SRPX: variants seen among roughly 807,000 people sequenced by gnomAD.
The protein encoded by SRPX is sushi repeat-containing protein SRPX.
In SRPX, 24 loss-of-function variants were observed where a neutral mutation model predicts 38.1. That is an observed-to-expected ratio of 0.63 (90% CI 0.46 to 0.89). The LOEUF (loss-of-function observed/expected upper bound fraction) is 0.89. SRPX is among the 40% of genes least tolerant of loss of function. The pLI is 0.00. For synonymous variants in SRPX, 184 were observed against 153.8 expected, an observed-to-expected ratio of 1.20 and a Z score of -1.45; for missense variants, 416 against 377.8, an observed-to-expected ratio of 1.10 and a Z score of -0.84.
At chrX:38,178,574 G>A (rs17147147) in intron 1 of SRPX, among the ~76,000 whole-genome samples, 1,907 of 111,606 alleles carry the variant, frequency 0.017, 42 homozygotes, top group African/African-American at 0.059. Flanking sequence ...AACTGTTTTG[G>A]AATCACCATA....
chrX:38,153,313 T>C (rs1470507769), intron 9 of SRPX, among the ~76,000 whole-genome samples: 1 of 98,078 alleles, frequency 1.0e-5, no homozygotes, highest in South Asian at 4.9e-4. Flanking sequence ...TTTTTTTTTT[T>C]TTTTTTTTTT....
At chrX:38,150,043 A>G in intron 9 of SRPX, 149 bp from the exon 10 acceptor site, 3 of 466,063 alleles carry the variant, frequency 6.4e-6, no homozygotes, top group African/African-American at 4.8e-5. Flanking sequence ...GTCTACTCCA[A>G]CTGTGACCCT....
In SRPX at chrX:38,198,258, A is replaced by C. The variant is rs149968176; in HGVS notation, c.98-19914T>G. Among the ~76,000 whole-genome samples the C allele has an allele frequency of 7.9e-3, 887 of 111,755 alleles. 12 individuals carry two copies. The highest frequency in any genetic ancestry group is 0.027 in the African/African-American group (844 of 30,712). The stretch of plus-strand genomic sequence containing the variant: ...TTTCCTTAGCTCTGGAGAGGAGAAA[A>C]GGATCTACGGCTTTCAATCCACTAC... On this transcript the variant is annotated intron_variant, in intron 1 of 9. Transcript: ENST00000378533.
At chrX:38,150,978 T>C (rs1345302163) in intron 9 of SRPX, among the ~76,000 whole-genome samples, 2 of 112,344 alleles carry the variant, frequency 1.8e-5, no homozygotes, top group Non-Finnish European at 1.9e-5. Context: ...TTTGAGATTA[T>C]GTATGAGGCA....
chrX:38,152,993 C>T (rs1166421344), intron 9 of SRPX, among the ~76,000 whole-genome samples: 1 of 112,099 alleles, frequency 8.9e-6, no homozygotes, highest in Non-Finnish European at 1.9e-5. Flanking sequence ...ATACAATATA[C>T]TTTTAAAAGC....
intron 9 of SRPX, among the ~76,000 whole-genome samples, chrX:38,153,758 C>A (rs892930493): frequency 3.6e-5 from 4 of 111,708 alleles, no homozygotes; most frequent in African/African-American, 6.5e-5. Context: ...ATGTTTGTAA[C>A]TGCCTGAGGC....
At chrX:38,183,876 T>C (rs766476752) in intron 1 of SRPX, among the ~76,000 whole-genome samples, 8 of 111,825 alleles carry the variant, frequency 7.2e-5, no homozygotes, top group Non-Finnish European at 1.1e-4. Context: ...CTCTCAGCCA[T>C]ACCTGGAGCC....
At chrX:38,177,426 G>A (rs1334603448) in intron 2 of SRPX, among the ~76,000 whole-genome samples, 1 of 111,115 alleles carries the variant, frequency 9.0e-6, no homozygotes, top group Non-Finnish European at 1.9e-5. Flanking sequence ...GTCAAAAGTT[G>A]TCCAGTCCTA....
chrX:38,170,222 C>T (rs1343842619), intron 4 of SRPX, among the ~76,000 whole-genome samples: 1 of 111,531 alleles, frequency 9.0e-6, no homozygotes, highest in Non-Finnish European at 1.9e-5. Flanking sequence ...AACTTTCTCA[C>T]CACTCAGTAC....
intron 1 of SRPX, among the ~76,000 whole-genome samples, chrX:38,204,513 T>C (rs1014713306): frequency 2.0e-4 from 22 of 112,355 alleles, no homozygotes; most frequent in African/African-American, 7.1e-4. Flanking sequence ...AAAAAGTCGT[T>C]TTTAAAAACC....
At chrX:38,158,432 T>C (rs1282884276) in intron 7 of SRPX, among the ~76,000 whole-genome samples, 2 of 111,872 alleles carry the variant, frequency 1.8e-5, no homozygotes, top group Non-Finnish European at 3.8e-5. Context: ...GTTTTCATAT[T>C]TCACATTTTA....
chrX:38,159,503 G>A lies in SRPX; in HGVS notation c.955+514C>T, dbSNP rs1938197971. ...TGGCATAAGGCTTTGCCTGTACCAG[G>A]CACTGCTCTATTCCACTGTTCCACA... On this transcript the variant is annotated intron_variant, in intron 7 of 9. Coordinates refer to ENST00000378533, the MANE Select transcript of SRPX (RefSeq NM_006307.5). Among the ~76,000 whole-genome samples, 3 of 113,092 alleles carry A rather than the reference G, an allele frequency of 2.7e-5. No individual in the cohort carries two copies. In the South Asian group the frequency reaches 1.1e-3, roughly 41 times the overall value.
chrX:38,198,154 G>A (rs978402451), intron 1 of SRPX, among the ~76,000 whole-genome samples: 6 of 112,082 alleles, frequency 5.4e-5, no homozygotes, highest in Admixed American at 9.4e-5. Flanking sequence ...GAAAGGTGGA[G>A]GACAGGACGA....
chrX:38,159,001 A>G lies in SRPX; in HGVS notation c.955+1016T>C, dbSNP rs748294372. On this transcript the variant is annotated intron_variant, in intron 7 of 9. Coordinates refer to ENST00000378533, the MANE Select transcript of SRPX (RefSeq NM_006307.5). ...TCTCAAACAAACAAACAAACAAACA[A>G]ATAAAAAATATAAAGAGATAGGTAG... Among the ~76,000 whole-genome samples the G allele has an allele frequency of 4.5e-5, 5 of 111,376 alleles. No individual in the cohort carries two copies. The South Asian group carries it at 1.9e-3, about 43-fold the overall frequency.
At chrX:38,161,167 A>C (rs886251755) in intron 5 of SRPX, 113 bp from the exon 6 acceptor site, 1 of 858,466 alleles carries the variant, frequency 1.2e-6, no homozygotes, top group Non-Finnish European at 1.6e-6. Flanking sequence ...CCATTAGACC[A>C]GTTTAAATAA....
At chrX:38,172,795 C>T (rs1938499033) in intron 3 of SRPX, among the ~76,000 whole-genome samples, 2 of 112,812 alleles carry the variant, frequency 1.8e-5, no homozygotes, top group South Asian at 7.3e-4. Context: ...GGCAAGGAAG[C>T]TGGGCTTTCA....
rs985894378 is a variant in SRPX at position 38,159,920 on chromosome X, C to T, written c.955+97G>A. The T allele has an allele frequency of 8.1e-6, 8 of 987,649 alleles. No homozygotes were observed. In the African/African-American group the frequency reaches 1.5e-4, roughly 19 times the overall value. The allele number at this position is 987,649 out of a possible 1,213,427, so 81.4% of individuals were successfully genotyped here. A position where few individuals can be genotyped will look rare whatever the true frequency, so the allele number is the denominator to read the frequency against. ...TCAGATAAAGAGGGATGGCCATGAA[C>T]TTCTCAAAGTATATGAAGGGAAACC... On this transcript the variant is annotated intron_variant, in intron 7 of 9. Coordinates refer to ENST00000378533, the MANE Select transcript of SRPX (RefSeq NM_006307.5).
intron 1 of SRPX, among the ~76,000 whole-genome samples, chrX:38,211,190 T>G (rs1248945664): frequency 3.6e-5 from 4 of 112,526 alleles, no homozygotes; most frequent in Non-Finnish European, 5.6e-5. Flanking sequence ...TTTTGATTTT[T>G]TTTCAATCAG....
chrX:38,152,602 G>A lies in SRPX; in HGVS notation c.1211+1860C>T, dbSNP rs190699940. On this transcript the variant is annotated intron_variant, in intron 9 of 9. Transcript: ENST00000378533. ...TGGAGGTTAAAAATTTGAGAACCACGACATAATGTATTTAAAAATTATCTT... is the reference window on the plus strand; with the variant it reads ...TGGAGGTTAAAAATTTGAGAACCACAACATAATGTATTTAAAAATTATCTT... Among the ~76,000 whole-genome samples, 273 of 112,263 alleles carry A rather than the reference G, an allele frequency of 2.4e-3. 2 individuals are homozygous for A. Among genetic ancestry groups the A allele is most frequent in the African/African-American group, 8.5e-3 (264 of 30,927 alleles).
Sources: gnomAD v4.1 joint callset for allele counts (sites outside exome capture counted in the v4.1 genomes callset) on GRCh38, gnomAD v4.1.1 for gene constraint, MANE v1.5 for transcripts, NCBI Gene and HGNC (gene_info 2026-07-23, HGNC 2026-07-21) for gene names.